Variants in ITGB5 observed in about 807,000 individuals in gnomAD.
ITGB5 encodes the protein integrin subunit beta 5.
ITGB5 carries 38 observed loss-of-function variants against 84.8 expected under a neutral mutation model. The ratio of observed to expected loss-of-function variants is 0.45; its 90% CI spans 0.35 to 0.59. ITGB5 has a LOEUF of 0.59. Among genes scored for constraint, ITGB5 ranks in the 20% least tolerant of loss-of-function variants. ITGB5 has a pLI of 0.01. For synonymous variants in ITGB5, 393 were observed against 414.4 expected (o/e 0.95, Z 0.63); for missense variants, 905 against 1,034.5 (o/e 0.87, Z 1.72).
chr3:124,877,652 A>T (rs1372316829), intron 1 of ITGB5, among the ~76,000 whole-genome samples: 2 of 152,166 alleles, frequency 1.3e-5, no homozygotes, highest in African/African-American at 4.8e-5. Flanking sequence ...AGCCCTATCT[A>T]CAAAAAAGAG....
rs763061298 is a variant in ITGB5 at position 124,763,580 on chromosome 3, C to G, written c.*43G>C. 1 of 1,264,726 alleles carries G rather than the reference C, an allele frequency of 7.9e-7. No individual in the cohort carries two copies. Among genetic ancestry groups the G allele is most frequent in the Non-Finnish European group, 1.2e-6 (1 of 863,254 alleles). 78.3% of individuals were successfully genotyped at this position (1,264,726 alleles called of 1,614,324 possible). ...GCCGTGCAAGGCGTTTCAGTCTGAC[C>G]TTTTCATCAGATCCCCGCTCCAGCC... On this transcript the variant is annotated 3_prime_UTR_variant, in exon 15 of 15. Coordinates refer to ENST00000296181, the MANE Select transcript of ITGB5 (RefSeq NM_002213.5).
intron 10 of ITGB5, among the ~76,000 whole-genome samples, chr3:124,784,978 G>C (rs777455587): frequency 6.6e-6 from 1 of 152,222 alleles, no homozygotes; most frequent in Admixed American, 6.5e-5. Flanking sequence ...GACGGAGGTG[G>C]TTTGGAATGT....
chr3:124,796,789 C>G lies in ITGB5; in HGVS notation c.1292G>C (p.Arg431Pro). ...CTCCGTGTGTCTGCTGGGACAGCTT[C>G]GGGCCTCCAATGATACTTCAAAAGA... Reference protein sequence around the residue: ...TASFEVSLEARSCPSRHTEHV... With the variant: ...TASFEVSLEAPSCPSRHTEHV... Residue 431 changes from arginine (R) to proline (P), a missense_variant, in exon 10 of 15, where the codon CGA becomes CCA. Around this residue, in one of 3 missense-constraint regions of ITGB5, gnomAD observed 656 missense variants for 734.7 expected, o/e 0.89. Transcript: ENST00000296181. 1 of 1,610,042 alleles carries G rather than the reference C, an allele frequency of 6.2e-7. No homozygotes were observed. The highest frequency in any genetic ancestry group is 8.5e-7 in the Non-Finnish European group (1 of 1,177,392).
intron 4 of ITGB5, among the ~76,000 whole-genome samples, chr3:124,843,162 GTCATGAAAAGAACAA>G (rs2065032771): frequency 1.3e-5 from 2 of 152,044 alleles, no homozygotes; most frequent in African/African-American, 4.8e-5. Flanking sequence ...TCCTCATTTT[GTCATGAAAAGAACAA>G]TCATGGAAAT....
intron 10 of ITGB5, among the ~76,000 whole-genome samples, chr3:124,774,945 T>TTGA (rs2150937726): frequency 6.6e-6 from 1 of 152,304 alleles, no homozygotes; most frequent in South Asian, 2.1e-4. Flanking sequence ...GAAGCAATGG[T>TTGA]TGATGGTCAC....
At chr3:124,822,584 C>T (rs932453964) in intron 5 of ITGB5, among the ~76,000 whole-genome samples, 1 of 152,140 alleles carries the variant, frequency 6.6e-6, no homozygotes, top group Non-Finnish European at 1.5e-5. Context: ...ATAAATAAAT[C>T]ACAAAAGAGC....
In ITGB5 at chr3:124,859,441, G is replaced by C; in HGVS notation, c.162C>G (p.Phe54Leu). Residue 54 changes from phenylalanine (F) to leucine (L), a missense_variant, in exon 3 of 15, where the codon TTC becomes TTG. This residue lies in a region of ITGB5 where 656 missense variants were observed against 734.7 expected (regional missense o/e 0.89). Coordinates refer to ENST00000296181, the MANE Select transcript of ITGB5 (RefSeq NM_002213.5). ...PKCAWCSKED[F>L]GSPRSITSRC... ...GAGAGGTGATGGACCGTGGGCTTCC[G>C]AAGTCCTAGGCAGGGAAAAAGAGGA... is the stretch of plus-strand genomic sequence containing the variant. The C allele has an allele frequency of 1.9e-6, 3 of 1,613,538 alleles. No homozygotes were observed. Among genetic ancestry groups the C allele is most frequent in the Non-Finnish European group, 2.5e-6 (3 of 1,179,806 alleles).
intron 3 of ITGB5, among the ~76,000 whole-genome samples, chr3:124,850,177 G>C (rs544017081): frequency 1.3e-5 from 2 of 152,034 alleles, no homozygotes; most frequent in Non-Finnish European, 2.9e-5. Context: ...CTCCCACCGT[G>C]ACAACAAGGC....
intron 5 of ITGB5, among the ~76,000 whole-genome samples, chr3:124,835,305 C>T (rs2064919446): frequency 6.6e-6 from 1 of 152,214 alleles, no homozygotes; most frequent in Non-Finnish European, 1.5e-5. Flanking sequence ...GAGTCCTGCA[C>T]TTGGGATGTC....
Position 124,773,746 on chromosome 3 carries a change from G to A in ITGB5, c.1860C>T (p.Ala620=). The change falls in exon 11 of 15, where the codon GCC becomes GCT. Residue 620 remains alanine, a synonymous_variant. Transcript: ENST00000296181. ...GGCACTTCTCACACATCTCCCCAAAGGCCCCCGGCTCCGTGCATTGGCACT... is the reference window on the plus strand; with the variant it reads ...GGCACTTCTCACACATCTCCCCAAAAGCCCCCGGCTCCGTGCATTGGCACT... The part of the protein sequence containing the change: ...CGQCQCTEPG[A]FGEMCEKCPT... 6.2e-7 allele frequency: 1 copy of A among 1,612,810 alleles called. No homozygotes were observed. Among genetic ancestry groups the A allele is most frequent in the South Asian group, 1.1e-5 (1 of 91,016 alleles).
chr3:124,783,122 C>T (rs1286196675), intron 10 of ITGB5, among the ~76,000 whole-genome samples: 1 of 151,724 alleles, frequency 6.6e-6, no homozygotes, highest in African/African-American at 2.4e-5. Flanking sequence ...AAAACCCCAT[C>T]TCTACTAAAA....
upstream of ITGB5, among the ~76,000 whole-genome samples, chr3:124,889,951 G>T (rs1427734116): frequency 6.6e-6 from 1 of 152,026 alleles, no homozygotes; most frequent in Non-Finnish European, 1.5e-5. Context: ...GGTAGAGGTT[G>T]CAGTGAGCCA....
chr3:124,771,282 C>CAGAAAA (rs1156912915), intron 11 of ITGB5, among the ~76,000 whole-genome samples: 1 of 151,760 alleles, frequency 6.6e-6, no homozygotes. Flanking sequence ...CTGAAACCCC[C>CAGAAAA]AGAAAAAAAA....
intron 5 of ITGB5, among the ~76,000 whole-genome samples, chr3:124,838,079 C>T (rs1017891674): frequency 2.0e-5 from 3 of 151,950 alleles, no homozygotes; most frequent in African/African-American, 7.3e-5. Flanking sequence ...AGATCTGCTT[C>T]AAATATGGGT....
chr3:124,763,545 A>T lies in ITGB5; in HGVS notation c.*78T>A. 1.2e-6 allele frequency: 1 copy of T among 858,660 alleles called. No individual in the cohort carries two copies. The allele number at this position is 858,660 out of a possible 1,614,324, so 53.2% of individuals were successfully genotyped here. A position where few individuals can be genotyped will look rare whatever the true frequency, so the allele number is the denominator to read the frequency against. On this transcript the variant is annotated 3_prime_UTR_variant, in exon 15 of 15. Coordinates refer to ENST00000296181, the MANE Select transcript of ITGB5 (RefSeq NM_002213.5). ...GGTGCCTACCTAGGGAGCTGTGATCAAGCCGAGCAGCCGTGCAAGGCGTTT... is the reference window on the plus strand; with the variant it reads ...GGTGCCTACCTAGGGAGCTGTGATCTAGCCGAGCAGCCGTGCAAGGCGTTT...
intron 2 of ITGB5, among the ~76,000 whole-genome samples, chr3:124,863,475 C>G (rs1481467952): frequency 6.6e-6 from 1 of 152,200 alleles, no homozygotes; most frequent in African/African-American, 2.4e-5. Flanking sequence ...AGTTAGGTCA[C>G]AAGCCAAGAG....
At chr3:124,837,608 A>C (rs2064952694) in intron 5 of ITGB5, among the ~76,000 whole-genome samples, 4 of 152,206 alleles carry the variant, frequency 2.6e-5, no homozygotes, top group Admixed American at 2.6e-4. Flanking sequence ...AATGAATCCT[A>C]AATAGAAACA....
Position 124,859,395 on chromosome 3 carries a change from G to A in ITGB5, c.208C>T (p.Leu70Phe), listed in dbSNP as rs777396601. The change falls in exon 3 of 15, where the codon CTT becomes TTT. Residue 70 changes from leucine (L) to phenylalanine (F), a missense_variant. Transcript: ENST00000296181. ...TCACCTCCACAGCCATTTTTGACAAGGTTTGCCCTCAGATCACACCGAGAG... is the reference window on the plus strand; with the variant it reads ...TCACCTCCACAGCCATTTTTGACAAAGTTTGCCCTCAGATCACACCGAGAG... ...ITSRCDLRAN[L>F]VKNGCGGEIE... is the part of the protein sequence containing the mutation. 6.2e-7 allele frequency: 1 copy of A among 1,614,058 alleles called. No homozygotes were observed. The highest frequency in any genetic ancestry group is 1.1e-5 in the South Asian group (1 of 91,058).
At chr3:124,880,513 G>A (rs929652861) in intron 1 of ITGB5, among the ~76,000 whole-genome samples, 1 of 152,182 alleles carries the variant, frequency 6.6e-6, no homozygotes, top group Non-Finnish European at 1.5e-5. Context: ...AATTTGCAAG[G>A]ACCAGGTGGG....
Sources: allele counts gnomAD v4.1 joint callset (sites outside exome capture counted in the v4.1 genomes callset), GRCh38; gene constraint gnomAD v4.1.1; regional missense constraint gnomAD v4.1.1; transcripts MANE v1.5; gene names NCBI Gene and HGNC (gene_info 2026-07-23, HGNC 2026-07-21).